The following RALGPS1 variants were observed in gnomAD, a reference collection of about 807,000 sequenced individuals.
The protein encoded by RALGPS1 is Ral GEF with PH domain and SH3 binding motif 1, also known as ras-specific guanine nucleotide-releasing factor RalGPS1.
In RALGPS1, 19 loss-of-function variants were observed where a neutral mutation model predicts 78.8. The ratio of observed to expected loss-of-function variants is 0.24; its 90% CI spans 0.17 to 0.35. The LOEUF (loss-of-function observed/expected upper bound fraction) is 0.35. RALGPS1 is among the 10% of genes least tolerant of loss of function. The pLI, the probability that RALGPS1 is intolerant of heterozygous loss-of-function variation, is 1.00. For missense variants in RALGPS1, 454 were observed against 688.3 expected (o/e 0.66, Z 3.81); for synonymous variants, 228 against 256.3 (o/e 0.89, Z 1.06).
chr9:127,168,918 G>A (rs2059425484), intron 10 of RALGPS1, 146 bp downstream of exon 10: 1 of 655,948 alleles, frequency 1.5e-6, no homozygotes, highest in Non-Finnish European at 2.7e-6. Flanking sequence ...TAGCGCCCAG[G>A]CCCCAGCACA....
chr9:127,107,582 C>G (rs73595424), intron 8 of RALGPS1, among the ~76,000 whole-genome samples: 8,923 of 152,286 alleles, frequency 0.059, 883 homozygotes, highest in African/African-American at 0.2. Flanking sequence ...GAGAGACATT[C>G]TCTTCTATCT....
chr9:127,191,963 C>T (rs973273049), intron 11 of RALGPS1, among the ~76,000 whole-genome samples: 4 of 152,146 alleles, frequency 2.6e-5, no homozygotes, highest in African/African-American at 4.8e-5. Context: ...TCTCAAAGTG[C>T]TGGGATTAGA....
At chr9:127,048,116 T>C (rs1198253678) in intron 5 of RALGPS1, among the ~76,000 whole-genome samples, 1 of 152,048 alleles carries the variant, frequency 6.6e-6, no homozygotes, top group Non-Finnish European at 1.5e-5. Flanking sequence ...GCATAGTGTT[T>C]TAGCTCCTTC....
chr9:127,059,361 T>A (rs1254237534), intron 7 of RALGPS1, among the ~76,000 whole-genome samples: 2 of 152,158 alleles, frequency 1.3e-5, no homozygotes, highest in African/African-American at 4.8e-5. Flanking sequence ...CACTCACACA[T>A]CCTCATCATT....
At chr9:127,049,625 T>C (rs2135314069) in intron 5 of RALGPS1, among the ~76,000 whole-genome samples, 1 of 152,310 alleles carries the variant, frequency 6.6e-6, no homozygotes, top group South Asian at 2.1e-4. Context: ...CCTACCAATA[T>C]ACATGTCCCT....
intron 8 of RALGPS1, among the ~76,000 whole-genome samples, chr9:127,097,388 C>G (rs768570684): frequency 6.6e-6 from 1 of 152,208 alleles, no homozygotes; most frequent in African/African-American, 2.4e-5. Flanking sequence ...GCATATGTGT[C>G]TGTACACGGA....
intron 8 of RALGPS1, among the ~76,000 whole-genome samples, chr9:127,098,850 T>C (rs2053433981): frequency 6.6e-6 from 1 of 152,116 alleles, no homozygotes; most frequent in Admixed American, 6.5e-5. Context: ...TATTTCCAGT[T>C]CTCTCTCTGT....
At chr9:126,974,374 C>CT (rs1461518660) in intron 3 of RALGPS1, among the ~76,000 whole-genome samples, 5 of 152,184 alleles carry the variant, frequency 3.3e-5, no homozygotes, top group African/African-American at 4.8e-5. Context: ...GTGCGCCCTC[C>CT]TGGCCATGCC....
chr9:126,981,034 A>G (rs991247767), intron 4 of RALGPS1, among the ~76,000 whole-genome samples: 11 of 152,046 alleles, frequency 7.2e-5, no homozygotes, highest in Non-Finnish European at 1.5e-4. Flanking sequence ...CTAGCTGGTC[A>G]TTTTTCCACC....
At chr9:127,179,573 C>T (rs10124934) in intron 11 of RALGPS1, among the ~76,000 whole-genome samples, 5,424 of 152,310 alleles carry the variant, frequency 0.036, 298 homozygotes, top group African/African-American at 0.12. Flanking sequence ...AAAGGAGAGG[C>T]CCTAAGACAT....
intron 1 of RALGPS1, among the ~76,000 whole-genome samples, chr9:126,944,878 C>G (rs750980935): frequency 1.3e-5 from 2 of 152,142 alleles, no homozygotes; most frequent in Non-Finnish European, 2.9e-5. Flanking sequence ...TGTGATAGTT[C>G]CTTAGTCTGT....
At chr9:127,082,352 T>G (rs2051261943) in intron 8 of RALGPS1, among the ~76,000 whole-genome samples, 1 of 152,204 alleles carries the variant, frequency 6.6e-6, no homozygotes, top group African/African-American at 2.4e-5. Flanking sequence ...CACTGCCCCT[T>G]GTTACTCCGT....
At chr9:127,130,717 G>A (rs1180802137) in intron 8 of RALGPS1, among the ~76,000 whole-genome samples, 1 of 152,202 alleles carries the variant, frequency 6.6e-6, no homozygotes, top group Non-Finnish European at 1.5e-5. Flanking sequence ...ATGAGCTACG[G>A]TAGATTCTTT....
chr9:127,100,518 G>C (rs772162001), intron 8 of RALGPS1, among the ~76,000 whole-genome samples: 2 of 152,174 alleles, frequency 1.3e-5, no homozygotes, highest in South Asian at 4.1e-4. Context: ...GTTTAGAAGG[G>C]GCTTTAGTGG....
At chr9:127,041,067 A>C (rs79154070) in intron 5 of RALGPS1, among the ~76,000 whole-genome samples, 2 of 25,886 alleles carry the variant, frequency 7.7e-5, no homozygotes, top group Non-Finnish European at 1.2e-4. Flanking sequence ...GTGTGTGTGT[A>C]TGTACTAAAG....
intron 4 of RALGPS1, among the ~76,000 whole-genome samples, chr9:126,994,547 CG>C (rs1442574900): frequency 6.6e-6 from 1 of 152,124 alleles, no homozygotes; most frequent in African/African-American, 2.4e-5. Context: ...ACCAAATCTA[CG>C]TCTGATTGGT....
At chr9:127,101,856 G>A (rs2053761947) in intron 8 of RALGPS1, among the ~76,000 whole-genome samples, 1 of 152,126 alleles carries the variant, frequency 6.6e-6, no homozygotes, top group African/African-American at 2.4e-5. Context: ...TTCTCTGTGT[G>A]TATAGTAGTT....
intron 1 of RALGPS1, among the ~76,000 whole-genome samples, chr9:126,952,876 G>T (rs777258546): frequency 1.3e-5 from 2 of 152,108 alleles, no homozygotes; most frequent in African/African-American, 2.4e-5. Flanking sequence ...CTGCGGAGTC[G>T]TGGGAGAGCT....
At chr9:126,938,256 A>G (rs1445329878) in intron 1 of RALGPS1, among the ~76,000 whole-genome samples, 4 of 152,164 alleles carry the variant, frequency 2.6e-5, no homozygotes, top group African/African-American at 9.7e-5. Flanking sequence ...GCCAGGATAT[A>G]TTGTTAGGTT....
Sources: allele counts gnomAD v4.1 joint callset (sites outside exome capture counted in the v4.1 genomes callset), GRCh38; gene constraint gnomAD v4.1.1; transcripts MANE v1.5; gene names NCBI Gene and HGNC (gene_info 2026-07-23, HGNC 2026-07-21).